VXN: variants seen among roughly 807,000 people sequenced by gnomAD.
VXN encodes the protein vexin.
VXN carries 7 observed loss-of-function variants against 23.1 expected under a neutral mutation model. The observed-to-expected ratio is 0.30, with a 90% confidence interval of 0.17 to 0.57. VXN has a LOEUF of 0.57. Among genes scored for constraint, VXN ranks in the 20% least tolerant of loss-of-function variants. The pLI is 0.91. For missense variants in VXN, 238 were observed against 272.6 expected (o/e 0.87, Z 0.89); for synonymous variants, 120 against 105.8 (o/e 1.13, Z -0.83).
At chr8:66,498,535 C>T (rs1807652430) in intron 2 of VXN, among the ~76,000 whole-genome samples, 1 of 152,054 alleles carries the variant, frequency 6.6e-6, no homozygotes, top group African/African-American at 2.4e-5. Context: ...AAATATGTTC[C>T]AAAACCTCCA....
chr8:66,498,959 C>G, intron 2 of VXN: 2 of 302,448 alleles, frequency 6.6e-6, no homozygotes, highest in Non-Finnish European at 1.4e-5. Context: ...GTTTAAATCC[C>G]AGTTCTATCC....
At chr8:66,502,469 C>T (rs556907348) in intron 2 of VXN, among the ~76,000 whole-genome samples, 1 of 152,246 alleles carries the variant, frequency 6.6e-6, no homozygotes, top group South Asian at 2.1e-4. Context: ...CACAGAGCGC[C>T]GTGCACAGTG....
chr8:66,498,398 T>A (rs1205285564), intron 2 of VXN, among the ~76,000 whole-genome samples: 2 of 152,176 alleles, frequency 1.3e-5, no homozygotes, highest in African/African-American at 4.8e-5. Flanking sequence ...TGTTTCTATA[T>A]AACATGTACA....
chr8:66,504,453 C>T (rs1586518562), intron 2 of VXN, among the ~76,000 whole-genome samples: 1 of 134,704 alleles, frequency 7.4e-6, no homozygotes, highest in East Asian at 2.6e-4. Flanking sequence ...TATGTATAAA[C>T]ATGCAGGATC....
intron 2 of VXN, chr8:66,505,148 T>A: frequency 4.4e-6 from 3 of 686,444 alleles, no homozygotes; most frequent in Non-Finnish European, 7.9e-6. Context: ...GAACCCTCAT[T>A]TGCTTGCCCC....
chr8:66,505,345 T>C (rs1242237767), intron 2 of VXN, 30 bp from the exon 3 acceptor site: 1 of 1,567,388 alleles, frequency 6.4e-7, no homozygotes, highest in South Asian at 1.2e-5. Flanking sequence ...AGCAGAGGAG[T>C]GGGCTAACCG....
intron 3 of VXN, among the ~76,000 whole-genome samples, chr8:66,506,232 AGTGTGTGTGTGTGT>A (rs61613088): frequency 1.3e-4 from 18 of 140,338 alleles, no homozygotes; most frequent in Admixed American, 8.5e-4. Context: ...AGAGAGAGAC[AGTGTGTGTGTGTGT>A]GTGTGTGTGT....
chr8:66,511,939 GC>G (rs1183685813), intron 4 of VXN, among the ~76,000 whole-genome samples: 1 of 151,994 alleles, frequency 6.6e-6, no homozygotes, highest in Admixed American at 6.6e-5. Context: ...GGTGAGCCAT[GC>G]CTGTGATCCC....
intron 2 of VXN, among the ~76,000 whole-genome samples, chr8:66,504,877 G>A (rs969799811): frequency 1.3e-5 from 2 of 152,222 alleles, no homozygotes; most frequent in African/African-American, 4.8e-5. Context: ...CTGAGACTAA[G>A]TTGGGCCTGA....
At chr8:66,506,225 G>C (rs1000951177) in intron 3 of VXN, among the ~76,000 whole-genome samples, 3 of 143,468 alleles carry the variant, frequency 2.1e-5, no homozygotes, top group African/African-American at 5.4e-5. Context: ...GAGAGAGAGA[G>C]AGAGACAGTG....
At chr8:66,515,491 C>G (rs1263031093) in intron 5 of VXN, among the ~76,000 whole-genome samples, 1 of 152,206 alleles carries the variant, frequency 6.6e-6, no homozygotes, top group African/African-American at 2.4e-5. Context: ...CCTGAGGTCA[C>G]ACAGCAGATG....
chr8:66,509,939 G>T (rs1807802898), intron 3 of VXN, among the ~76,000 whole-genome samples, 157 bp from the exon 4 acceptor site: 1 of 152,160 alleles, frequency 6.6e-6, no homozygotes. Context: ...CAGTTGCCTT[G>T]TGGCCTGACC....
rs374646440 is a variant in VXN, at chr8:66,504,594, A to G, written c.127-781A>G. Among the ~76,000 whole-genome samples, 12 of 152,330 alleles carry G rather than the reference A, an allele frequency of 7.9e-5. No individual in the cohort carries two copies. The East Asian group carries it at 2.3e-3, about 29-fold the overall frequency. ...ATTTTTATTACAATTTTTTCCAAAA[A>G]AATACCATTTTTAAGGCCCATTTTG... On this transcript the variant is annotated intron_variant, in intron 2 of 5. Coordinates refer to ENST00000305454, the MANE Select transcript of VXN (RefSeq NM_152765.4).
chr8:66,498,739 G>A lies in VXN; in HGVS notation c.126+2247G>A, dbSNP rs1730046408. 38 of 423,602 alleles carry A rather than the reference G, an allele frequency of 9.0e-5. 1 individual carries two copies. Among genetic ancestry groups the A allele is most frequent in the South Asian group, 6.3e-4 (37 of 58,534 alleles). 26.2% of individuals were successfully genotyped at this position (423,602 alleles called of 1,614,324 possible). On this transcript the variant is annotated intron_variant, in intron 2 of 5. Transcript: ENST00000305454. ...GCCCCGGGAGGGGATATGCAGATTG[G>A]TGTGAGATTTCATCACACTGCTCAG...
At position 66,496,318 on chromosome 8, in the gene VXN, C is replaced by G. The variant is rs893749572; in HGVS notation, c.71-119C>G. On this transcript the variant is annotated intron_variant, in intron 1 of 5. Transcript: ENST00000305454. ...TCGCAACGACCCTGTCTCTTTTTCC[C>G]GTCCCCTCCTCTATGCCCCTGCCTC... 8 of 871,672 alleles carry G rather than the reference C, an allele frequency of 9.2e-6. No homozygotes were observed. The South Asian group carries it at 1.2e-4, about 13-fold the overall frequency. The allele number at this position is 871,672 out of a possible 1,614,324, so 54.0% of individuals were successfully genotyped here. A position where few individuals can be genotyped will look rare whatever the true frequency, so the allele number is the denominator to read the frequency against.
chr8:66,514,183 G>T (rs942203422), intron 5 of VXN: 1 of 155,650 alleles, frequency 6.4e-6, no homozygotes, highest in Non-Finnish European at 1.4e-5. Flanking sequence ...TCTTCAACTC[G>T]ATTCAGCACA....
chr8:66,503,708 A>T (rs558521719), intron 2 of VXN, among the ~76,000 whole-genome samples: 1 of 152,274 alleles, frequency 6.6e-6, no homozygotes, highest in South Asian at 2.1e-4. Context: ...TCAGGATGCT[A>T]AAGAGCCTCT....
intron 1 of VXN, among the ~76,000 whole-genome samples, chr8:66,495,646 C>T (rs958486778): frequency 1.3e-5 from 2 of 152,148 alleles, no homozygotes; most frequent in Admixed American, 6.5e-5. Context: ...TGGCCACTTC[C>T]TTGTGGTACA....
At position 66,505,492 on chromosome 8, in the gene VXN, C is replaced by T. The variant is rs942576379; in HGVS notation, c.244C>T (p.Pro82Ser). The change falls in exon 3 of 6, where the codon CCC (proline) becomes TCC (serine). Residue 82 changes from proline to serine, a missense_variant. This residue lies in a region of VXN where 223 missense variants were observed against 236.9 expected (regional missense o/e 0.94). Transcript: ENST00000305454. ...TGGGCGGCTCCAGACCGCGCGGCCGCCCACAGCCCACCCGGCCAAAGCCTC... is the reference window on the plus strand; with the variant it reads ...TGGGCGGCTCCAGACCGCGCGGCCGTCCACAGCCCACCCGGCCAAAGCCTC... ...RFGRLQTARP[P>S]TAHPAKASAR... 2.6e-6 allele frequency: 4 copies of T among 1,557,232 alleles called. No individual in the cohort carries two copies. The highest frequency in any genetic ancestry group is 2.3e-5 in the East Asian group (1 of 43,300).
Sources: allele counts gnomAD v4.1 joint callset (sites outside exome capture counted in the v4.1 genomes callset), GRCh38; gene constraint gnomAD v4.1.1; regional missense constraint gnomAD v4.1.1; transcripts MANE v1.5; gene names NCBI Gene and HGNC (gene_info 2026-07-23, HGNC 2026-07-21).